Variants in ARG1 observed in about 807,000 individuals in gnomAD.
The protein encoded by ARG1 is arginase 1.
Under a neutral mutation model 33.0 loss-of-function variants are expected in ARG1, and 20 were observed. That is an observed-to-expected ratio of 0.61 (90% CI 0.43 to 0.88). ARG1 has a LOEUF of 0.88. Among genes scored for constraint, ARG1 ranks in the 40% least tolerant of loss-of-function variants. The probability of loss-of-function intolerance (pLI) is 0.00; values close to 1 mark genes in which losing one functional copy is unlikely to be tolerated. For missense variants in ARG1, 374 were observed against 384.7 expected, an observed-to-expected ratio of 0.97 and a Z score of 0.23; for synonymous variants, 146 against 140.6, an observed-to-expected ratio of 1.04 and a Z score of -0.27.
intron 3 of ARG1, 118 bp downstream of exon 3, chr6:131,579,403 A>G (rs1562357136): frequency 5.6e-6 from 7 of 1,245,620 alleles, no homozygotes; most frequent in East Asian, 2.6e-5. Flanking sequence ...TTTATATCAA[A>G]TTTTCTGCCT....
intron 2 of ARG1, among the ~76,000 whole-genome samples, chr6:131,577,119 GATA>G (rs1485319083): frequency 3.3e-5 from 5 of 152,186 alleles, no homozygotes; most frequent in African/African-American, 9.6e-5. Flanking sequence ...CAGTAATAAT[GATA>G]ATAACAACAG....
In ARG1 at chr6:131,583,984, T is replaced by A; in HGVS notation, c.*76T>A. 1 of 1,523,398 alleles carries A rather than the reference T, an allele frequency of 6.6e-7. No homozygotes were observed. Among genetic ancestry groups the A allele is most frequent in the Non-Finnish European group, 9.1e-7 (1 of 1,104,606 alleles). The allele number at this position is 1,523,398 out of a possible 1,614,324, so 94.4% of individuals were successfully genotyped here. A position where few individuals can be genotyped will look rare whatever the true frequency, so the allele number is the denominator to read the frequency against. On this transcript the variant is annotated 3_prime_UTR_variant, in exon 8 of 8. Transcript: ENST00000368087. ...CTAATCATTTTCTTAAGCATAGAGTTATCCTTCTAAAGACTTGTTCTTTCA... is the reference window on the plus strand; with the variant it reads ...CTAATCATTTTCTTAAGCATAGAGTAATCCTTCTAAAGACTTGTTCTTTCA...
At chr6:131,577,136 C>T (rs1007235314) in intron 2 of ARG1, among the ~76,000 whole-genome samples, 5 of 152,070 alleles carry the variant, frequency 3.3e-5, no homozygotes, top group African/African-American at 1.2e-4. Flanking sequence ...ACAACAGCGC[C>T]TAGTGTGGGC....
chr6:131,573,931 A>G (rs1773490164), intron 1 of ARG1: 2 of 327,068 alleles, frequency 6.1e-6, no homozygotes, highest in African/African-American at 2.1e-5. Flanking sequence ...AAGGGGAAAA[A>G]AAGAACAAAA....
chr6:131,574,392 AGTC>A, intron 1 of ARG1: 35 of 1,403,232 alleles, frequency 2.5e-5, no homozygotes, highest in Non-Finnish European at 3.5e-5. Flanking sequence ...ATCCTCCAAA[AGTC>A]TCTCCCAAAC....
chr6:131,582,863 A>G, intron 5 of ARG1, 148 bp downstream of exon 5: 1 of 776,346 alleles, frequency 1.3e-6, no homozygotes, highest in South Asian at 1.5e-5. Context: ...ATACATGTAC[A>G]TACATATGTA....
At position 131,581,452 on chromosome 6, in the gene ARG1, GA is replaced by G; in HGVS notation, c.465+77del. On this transcript the variant is annotated intron_variant, in intron 4 of 7. Coordinates refer to ENST00000368087, the MANE Select transcript of ARG1 (RefSeq NM_000045.4). ...CATTCAGGAGGTGGAAGGGAAATGA[GA>G]AACTCCATGTTATCTTATTCTTGGT... 3 of 1,439,084 alleles carry G rather than the reference GA, an allele frequency of 2.1e-6. No homozygotes were observed. The South Asian group carries it at 3.7e-5, about 18-fold the overall frequency. 89.1% of individuals were successfully genotyped at this position (1,439,084 alleles called of 1,614,324 possible). A position where few individuals can be genotyped will look rare whatever the true frequency, so the allele number is the denominator to read the frequency against.
At chr6:131,582,822 C>A in intron 5 of ARG1, 107 bp downstream of exon 5, 2 of 927,584 alleles carry the variant, frequency 2.2e-6, no homozygotes, top group Non-Finnish European at 1.8e-6. Context: ...AAGACACACA[C>A]ACACACACAT....
intron 4 of ARG1, among the ~76,000 whole-genome samples, chr6:131,582,338 G>C (rs940497340): frequency 2.6e-5 from 4 of 152,154 alleles, no homozygotes; most frequent in African/African-American, 9.7e-5. Context: ...AGCTACCAAA[G>C]TAATGGGAGC....
At chr6:131,581,154 G>C (rs1773899966) in intron 3 of ARG1, 65 bp from the exon 4 acceptor site, 1 of 1,525,738 alleles carries the variant, frequency 6.6e-7, no homozygotes, top group Non-Finnish European at 9.1e-7. Flanking sequence ...AGCATTGAGT[G>C]AATAATATGA....
At position 131,574,056 on chromosome 6, in the gene ARG1, T is replaced by G; in HGVS notation, c.57+717T>G. On this transcript the variant is annotated intron_variant, in intron 1 of 7. Transcript: ENST00000368087. ...GTGAATCCACACATGCCAGCAACAT[T>G]GAATACACTTTTTTTTCTGCCTGGG... 4 of 580,070 alleles carry G rather than the reference T, an allele frequency of 6.9e-6. No individual in the cohort carries two copies. The South Asian group carries it at 8.7e-5, about 13-fold the overall frequency. The allele number at this position is 580,070 out of a possible 1,614,324, so 35.9% of individuals were successfully genotyped here.
intron 4 of ARG1, among the ~76,000 whole-genome samples, chr6:131,582,373 C>T (rs1562359902): frequency 6.6e-6 from 1 of 151,992 alleles, no homozygotes; most frequent in Non-Finnish European, 1.5e-5. Flanking sequence ...ATAGAGGAGC[C>T]CTGGGAAAGA....
At chr6:131,580,696 G>A (rs1048389963) in intron 3 of ARG1, among the ~76,000 whole-genome samples, 2 of 152,174 alleles carry the variant, frequency 1.3e-5, no homozygotes, top group Non-Finnish European at 2.9e-5. Flanking sequence ...CACGCCATAC[G>A]CTGGCTGAAG....
chr6:131,582,642 TC>T lies in ARG1; in HGVS notation c.489del (p.Trp164GlyfsTer2). 1 of 1,613,896 alleles carries T rather than the reference TC, an allele frequency of 6.2e-7. No homozygotes were observed. Among genetic ancestry groups the T allele is most frequent in the Non-Finnish European group, 8.5e-7 (1 of 1,179,792 alleles). The stretch of plus-strand genomic sequence containing the variant: ...TTAGATTCCCGATGTGCCAGGATTC[TC>T]CTGGGTGACTCCCTGTATATCTGCC... ...KGKIPDVPGF[S>X]WVTPCISAKD... On this transcript the variant is annotated frameshift_variant, in exon 5 of 8. Transcript: ENST00000368087. LOFTEE classifies it high-confidence loss of function.
chr6:131,579,211 C>G lies in ARG1; in HGVS notation c.231C>G (p.Ser77Arg). The change falls in exon 3 of 8, where the codon AGC (serine) becomes AGG (arginine). Residue 77 changes from serine to arginine, a missense_variant. Coordinates refer to ENST00000368087, the MANE Select transcript of ARG1 (RefSeq NM_000045.4). ...VKNPRSVGKA[S>R]EQLAGKVAEV... ...ATCCAAGGTCTGTGGGAAAAGCAAG[C>G]GAGCAGCTGGCTGGCAAGGTGGCAG... is the stretch of plus-strand genomic sequence containing the variant. 3 of 1,614,046 alleles carry G rather than the reference C, an allele frequency of 1.9e-6. No individual in the cohort carries two copies. Among genetic ancestry groups the G allele is most frequent in the South Asian group, 2.2e-5 (2 of 91,066 alleles).
chr6:131,582,938 G>A (rs1397138222), intron 5 of ARG1, 122 bp from the exon 6 acceptor site: 2 of 803,998 alleles, frequency 2.5e-6, no homozygotes, highest in African/African-American at 3.5e-5. Flanking sequence ...AAACTATATT[G>A]AGTTAGGTTC....
chr6:131,579,265 G>A lies in ARG1; in HGVS notation c.285G>A (p.Leu95=). Residue 95 remains leucine, a synonymous_variant, in exon 3 of 8, where the codon CTG becomes CTA. Transcript: ENST00000368087. ...TCAAGAAGAACGGAAGAATCAGCCT[G>A]GTGCTGGGCGGAGACCACAGGTCTT... ...AEVKKNGRIS[L]VLGGDHSLAI... The A allele has an allele frequency of 6.2e-7, 1 of 1,614,072 alleles. No homozygotes were observed. The highest frequency in any genetic ancestry group is 8.5e-7 in the Non-Finnish European group (1 of 1,179,994).
At chr6:131,578,201 A>G (rs1228623945) in intron 2 of ARG1, among the ~76,000 whole-genome samples, 1 of 151,656 alleles carries the variant, frequency 6.6e-6, no homozygotes, top group Non-Finnish European at 1.5e-5. Flanking sequence ...AAAAAAAAAA[A>G]AGACAAATAC....
chr6:131,576,964 C>T (rs1306006889), intron 2 of ARG1, among the ~76,000 whole-genome samples: 1 of 151,606 alleles, frequency 6.6e-6, no homozygotes, highest in Non-Finnish European at 1.5e-5. Flanking sequence ...AGCCAAACTA[C>T]AGTATAAGAT....
Sources: gnomAD v4.1 joint callset for allele counts (sites outside exome capture counted in the v4.1 genomes callset) on GRCh38, gnomAD v4.1.1 for gene constraint, MANE v1.5 for transcripts, NCBI Gene and HGNC (gene_info 2026-07-23, HGNC 2026-07-21) for gene names.